The following ST6GALNAC5 variants were observed in gnomAD, a reference collection of about 807,000 sequenced individuals.
The protein encoded by ST6GALNAC5 is ST6 N-acetylgalactosaminide alpha-2,6-sialyltransferase 5.
A neutral mutation model predicts 33.6 loss-of-function variants in ST6GALNAC5; 27 were observed. That is an observed-to-expected ratio of 0.80 (90% CI 0.59 to 1.11). ST6GALNAC5 has a LOEUF of 1.11. ST6GALNAC5 is among the 50% of genes least tolerant of loss of function. ST6GALNAC5 has a pLI of 0.00. For synonymous variants in ST6GALNAC5, 194 were observed against 171.2 expected, an observed-to-expected ratio of 1.13 and a Z score of -1.04; for missense variants, 428 against 454.0, an observed-to-expected ratio of 0.94 and a Z score of 0.52.
chr1:76,953,396 T>G lies in ST6GALNAC5; in HGVS notation c.261+84654T>G, dbSNP rs117684440. Reference sequence around the variant, plus strand: ...TAATTGCTATGTGCTGATATCTCATTGTGGTTTTAATTTGCATTCTCTAAT... The same window carrying G: ...TAATTGCTATGTGCTGATATCTCATGGTGGTTTTAATTTGCATTCTCTAAT... On this transcript the variant is annotated intron_variant, in intron 2 of 4. Transcript: ENST00000477717. 1.1e-4 allele frequency among the ~76,000 whole-genome samples: 16 copies of G among 152,266 alleles called. No individual in the cohort carries two copies. The East Asian group carries it at 3.1e-3, about 29-fold the overall frequency.
chr1:76,997,570 A>G (rs1172634546), intron 2 of ST6GALNAC5, among the ~76,000 whole-genome samples: 1 of 151,962 alleles, frequency 6.6e-6, no homozygotes. Context: ...CCAAATTACT[A>G]CTCTTTGAAT....
chr1:77,022,690 C>T (rs945118684), intron 2 of ST6GALNAC5, among the ~76,000 whole-genome samples: 24 of 152,142 alleles, frequency 1.6e-4, no homozygotes, highest in Non-Finnish European at 1.5e-5. Flanking sequence ...CAGTTATATC[C>T]ATTGTGAAAA....
chr1:76,870,414 A>C (rs1452079626), intron 2 of ST6GALNAC5, among the ~76,000 whole-genome samples: 2 of 152,188 alleles, frequency 1.3e-5, no homozygotes, highest in Admixed American at 1.3e-4. Flanking sequence ...AATTTGCTGA[A>C]AGTTTTGATC....
rs1041762299 is a variant in ST6GALNAC5 at position 76,927,213 on chromosome 1, T to G, written c.261+58471T>G. On this transcript the variant is annotated intron_variant, in intron 2 of 4. Coordinates refer to ENST00000477717, the MANE Select transcript of ST6GALNAC5 (RefSeq NM_030965.3). The stretch of plus-strand genomic sequence containing the variant: ...AATTTCATATTTGGCTTTTGCATTT[T>G]TAATATTGTATTGCTTTTGTTTTTC... Among the ~76,000 whole-genome samples, 2 of 152,222 alleles carry G rather than the reference T, an allele frequency of 1.3e-5. 1 individual carries two copies. Among genetic ancestry groups the G allele is most frequent in the Non-Finnish European group, 2.9e-5 (2 of 67,986 alleles).
chr1:76,922,949 A>G (rs1647049174), intron 2 of ST6GALNAC5, among the ~76,000 whole-genome samples: 2 of 138,342 alleles, frequency 1.4e-5, no homozygotes. Context: ...AAAAAAAAAA[A>G]GAAAAAAGAA....
chr1:77,017,057 T>C (rs1650875852), intron 2 of ST6GALNAC5, among the ~76,000 whole-genome samples: 1 of 150,358 alleles, frequency 6.7e-6, no homozygotes, highest in Non-Finnish European at 1.5e-5. Flanking sequence ...GGAATGAGAC[T>C]GGGCTTTCTC....
At position 77,063,002 on chromosome 1, in the gene ST6GALNAC5, T is replaced by A; in HGVS notation, c.807T>A (p.Tyr269Ter). 1.2e-6 allele frequency: 2 copies of A among 1,613,900 alleles called. No individual in the cohort carries two copies. Among genetic ancestry groups the A allele is most frequent in the Non-Finnish European group, 1.7e-6 (2 of 1,179,866 alleles). The change falls in exon 5 of 5, where the codon TAT (tyrosine) becomes TAA (stop). Residue 269 changes from tyrosine (Y) to a stop codon, truncating the protein, a stop_gained. Coordinates refer to ENST00000477717, the MANE Select transcript of ST6GALNAC5 (RefSeq NM_030965.3). LOFTEE classifies it high-confidence loss of function. The part of the protein sequence containing the change: ...CRDPNHPSVP[Y>*]HYYEPFGPDE... ...ATCCCAATCACCCTTCAGTACCTTA[T>A]CATTATTATGAACCTTTTGGACCTG...
intron 2 of ST6GALNAC5, among the ~76,000 whole-genome samples, chr1:76,907,354 C>T (rs1325876289): frequency 6.6e-6 from 1 of 152,116 alleles, no homozygotes; most frequent in African/African-American, 2.4e-5. Context: ...GAACACCCAA[C>T]CCTGCTTGGT....
chr1:76,912,337 A>T (rs2100282489), intron 2 of ST6GALNAC5, among the ~76,000 whole-genome samples: 1 of 152,164 alleles, frequency 6.6e-6, no homozygotes, highest in Non-Finnish European at 1.5e-5. Context: ...GGGGAGCTTT[A>T]CTTCCAACTA....
intron 2 of ST6GALNAC5, among the ~76,000 whole-genome samples, chr1:77,031,969 G>A (rs540922060): frequency 6.6e-6 from 1 of 152,308 alleles, no homozygotes; most frequent in South Asian, 2.1e-4. Flanking sequence ...TTTAGGGAAG[G>A]ATCCTTGAGA....
intron 2 of ST6GALNAC5, among the ~76,000 whole-genome samples, chr1:76,911,302 C>T (rs536843793): frequency 9.8e-4 from 149 of 152,182 alleles, no homozygotes; most frequent in Non-Finnish European, 1.4e-3. Context: ...CCCACTTGAT[C>T]ATGGTGGATA....
chr1:76,987,962 T>C (rs374001303), intron 2 of ST6GALNAC5, among the ~76,000 whole-genome samples: 1 of 152,146 alleles, frequency 6.6e-6, no homozygotes, highest in Non-Finnish European at 1.5e-5. Context: ...CCCTCAAATA[T>C]GTTTTCCAAA....
Position 76,867,655 on chromosome 1 carries a change from T to G in ST6GALNAC5, c.-21T>G. 1 of 1,614,120 alleles carries G rather than the reference T, an allele frequency of 6.2e-7. No individual in the cohort carries two copies. The highest frequency in any genetic ancestry group is 1.1e-5 in the South Asian group (1 of 91,072). On this transcript the variant is annotated 5_prime_UTR_variant, in exon 1 of 5. Transcript: ENST00000477717. ...CCCGGACGCGCGAGCCTGAGGATTC[T>G]GCACAAAAGAGGTGCCCAAAATGAA...
chr1:76,917,251 A>T (rs1646985115), intron 2 of ST6GALNAC5, among the ~76,000 whole-genome samples: 1 of 152,226 alleles, frequency 6.6e-6, no homozygotes, highest in African/African-American at 2.4e-5. Flanking sequence ...CACTACAGTT[A>T]TAAGCAATTG....
chr1:76,896,257 G>A (rs1250443792), intron 2 of ST6GALNAC5, among the ~76,000 whole-genome samples: 1 of 152,184 alleles, frequency 6.6e-6, no homozygotes, highest in Non-Finnish European at 1.5e-5. Flanking sequence ...AGACTAAGCG[G>A]TATTTTAGTT....
intron 4 of ST6GALNAC5, among the ~76,000 whole-genome samples, chr1:77,055,154 A>T (rs1652348475): frequency 6.6e-6 from 1 of 151,948 alleles, no homozygotes; most frequent in Non-Finnish European, 1.5e-5. Context: ...AAGCTTTGTG[A>T]GCAGAGTTCA....
intron 2 of ST6GALNAC5, among the ~76,000 whole-genome samples, chr1:76,972,298 T>C (rs858594): frequency 0.92 from 140,656 of 152,156 alleles, 65,258 homozygotes; most frequent in East Asian, 1. Context: ...GACCTCACCC[T>C]GTGATTCAAT....
In ST6GALNAC5 at chr1:76,877,000, A is replaced by G. The variant is rs539705207; in HGVS notation, c.261+8258A>G. On this transcript the variant is annotated intron_variant, in intron 2 of 4. Transcript: ENST00000477717. Reference sequence around the variant, plus strand: ...GACCTGCTCAAGCCCGATCACGTATACACCACTTCCATTTGATGATGGGAT... The same window carrying G: ...GACCTGCTCAAGCCCGATCACGTATGCACCACTTCCATTTGATGATGGGAT... 6.6e-5 allele frequency among the ~76,000 whole-genome samples: 10 copies of G among 152,306 alleles called. No individual in the cohort carries two copies. The South Asian group carries it at 2.1e-3, about 32-fold the overall frequency.
intron 2 of ST6GALNAC5, among the ~76,000 whole-genome samples, chr1:76,991,411 G>C (rs943672224): frequency 6.6e-6 from 1 of 152,166 alleles, no homozygotes; most frequent in Non-Finnish European, 1.5e-5. Flanking sequence ...GCCTGGATTT[G>C]AATGCTAAGG....
Sources: allele counts gnomAD v4.1 joint callset (sites outside exome capture counted in the v4.1 genomes callset), GRCh38; gene constraint gnomAD v4.1.1; transcripts MANE v1.5; gene names NCBI Gene and HGNC (gene_info 2026-07-23, HGNC 2026-07-21).